Variants in PDE3B observed in about 807,000 individuals in gnomAD.
PDE3B encodes the protein phosphodiesterase 3B, also known as cGMP-inhibited 3',5'-cyclic phosphodiesterase 3B.
In PDE3B, 66 loss-of-function variants were observed where a neutral mutation model predicts 116.8. The ratio of observed to expected loss-of-function variants is 0.56; its 90% confidence interval spans 0.46 to 0.69. The LOEUF (loss-of-function observed/expected upper bound fraction) is 0.69, where lower values mean the gene tolerates loss of function less well. Ranked by LOEUF, PDE3B falls within the 30% of genes least tolerant of loss-of-function variation. The pLI is 0.00. For missense variants in PDE3B, 1,384 were observed against 1,368.1 expected (o/e 1.01, Z -0.18); for synonymous variants, 595 against 533.6 (o/e 1.12, Z -1.59).
At chr11:14,820,118 T>C (rs977116657) in intron 7 of PDE3B, among the ~76,000 whole-genome samples, 1 of 152,138 alleles carries the variant, frequency 6.6e-6, no homozygotes, top group African/African-American at 2.4e-5. Flanking sequence ...AATTTAATAG[T>C]TTTTTGTTTT....
At chr11:14,754,629 G>T (rs564392016) in intron 1 of PDE3B, among the ~76,000 whole-genome samples, 1 of 152,010 alleles carries the variant, frequency 6.6e-6, no homozygotes, top group Non-Finnish European at 1.5e-5. Context: ...TTCTAGCCAG[G>T]TGCAGTGGTG....
At chr11:14,878,011 T>C in the PDE3B span, 3 of 1,125,840 alleles carry the variant, frequency 2.7e-6, no homozygotes, top group Non-Finnish European at 3.9e-6. Context: ...TGTGTTCATT[T>C]GGCTTTTTGA....
intron 12 of PDE3B, among the ~76,000 whole-genome samples, chr11:14,857,039 G>T (rs932952751): frequency 1.2e-4 from 19 of 152,068 alleles, no homozygotes; most frequent in African/African-American, 4.6e-4. Context: ...TCTTATTTAA[G>T]TGTTACTATT....
chr11:14,831,904 G>T (rs1859896399), intron 9 of PDE3B, 127 bp downstream of exon 9: 1 of 560,154 alleles, frequency 1.8e-6, no homozygotes, highest in Admixed American at 3.6e-5. Context: ...ATTTTTTTCA[G>T]AAAAAAATAA....
intron 10 of PDE3B, 124 bp downstream of exon 10, chr11:14,832,957 T>C (rs1194832451): frequency 7.7e-6 from 4 of 522,836 alleles, no homozygotes; most frequent in South Asian, 7.6e-5. Flanking sequence ...TTTTCTTTTT[T>C]TTTTTTCTTG....
intron 2 of PDE3B, among the ~76,000 whole-genome samples, chr11:14,777,806 G>T (rs1214281389): frequency 6.6e-6 from 1 of 152,140 alleles, no homozygotes; most frequent in Non-Finnish European, 1.5e-5. Context: ...AGACATGGAT[G>T]CAGGACAGTA....
At chr11:14,793,075 CAT>C (rs1391649994) in intron 4 of PDE3B, among the ~76,000 whole-genome samples, 1 of 152,142 alleles carries the variant, frequency 6.6e-6, no homozygotes, top group African/African-American at 2.4e-5. Flanking sequence ...GTATGGTATC[CAT>C]ATGAGATTAT....
intron 5 of PDE3B, among the ~76,000 whole-genome samples, chr11:14,804,425 A>G (rs1025426627): frequency 1.3e-5 from 2 of 152,072 alleles, no homozygotes; most frequent in Non-Finnish European, 1.5e-5. Context: ...AGAAAAAACC[A>G]TGACTTCATC....
intron 5 of PDE3B, among the ~76,000 whole-genome samples, chr11:14,807,921 G>A (rs567741548): frequency 1.8e-4 from 27 of 152,116 alleles, no homozygotes; most frequent in African/African-American, 4.6e-4. Flanking sequence ...TTAACCAGAC[G>A]TGGTGGTGGG....
chr11:14,827,767 T>C (rs1176491390), intron 7 of PDE3B, among the ~76,000 whole-genome samples: 1 of 152,164 alleles, frequency 6.6e-6, no homozygotes, highest in East Asian at 1.9e-4. Context: ...TTCAGTGTTA[T>C]TCCTAACAAA....
downstream of PDE3B, among the ~76,000 whole-genome samples, chr11:14,872,749 A>T (rs1848156108): frequency 6.6e-6 from 1 of 152,186 alleles, no homozygotes; most frequent in East Asian, 1.9e-4. Context: ...AACCCTATGG[A>T]ACCTGCAGAT....
At chr11:14,785,855 A>G (rs899539068) in intron 2 of PDE3B, among the ~76,000 whole-genome samples, 1 of 151,980 alleles carries the variant, frequency 6.6e-6, no homozygotes, top group African/African-American at 2.4e-5. Flanking sequence ...ATTTTCCATA[A>G]TATTAATAGT....
chr11:14,695,786 C>A (rs372748547), intron 1 of PDE3B, among the ~76,000 whole-genome samples: 8 of 152,070 alleles, frequency 5.3e-5, no homozygotes, highest in East Asian at 1.9e-4. Flanking sequence ...TCTCTTCCTG[C>A]GTTAGTTTGC....
In PDE3B at chr11:14,786,505, T is replaced by G; in HGVS notation, c.1098T>G (p.Leu366=). The stretch of plus-strand genomic sequence containing the variant: ...AGGCTCGCAATATGGTGTCAGATCT[T>G]CTGACTGATCCAAGCCTTCCACCAC... ...LNEARNMVSD[L]LTDPSLPPQV... Residue 366 remains leucine (L), a synonymous_variant, in exon 3 of 16, where the codon CTT becomes CTG. Coordinates refer to ENST00000282096, the MANE Select transcript of PDE3B (RefSeq NM_000922.4). 1.2e-6 allele frequency: 2 copies of G among 1,612,764 alleles called. No individual in the cohort carries two copies. The highest frequency in any genetic ancestry group is 1.7e-6 in the Non-Finnish European group (2 of 1,178,916).
rs564691526 is a variant in PDE3B, at chr11:14,782,060, G to T, written c.1030-4377G>T. Among the ~76,000 whole-genome samples the T allele has an allele frequency of 4.5e-3, 682 of 152,180 alleles. 3 individuals are homozygous for T. Among genetic ancestry groups the T allele is most frequent in the African/African-American group, 0.015 (609 of 41,502 alleles). Reference sequence around the variant, plus strand: ...TCATGAGTGAACTCCCATTCATGATGGCTTCAAAGAGAATAAAATACCTAG... The same window carrying T: ...TCATGAGTGAACTCCCATTCATGATTGCTTCAAAGAGAATAAAATACCTAG... On this transcript the variant is annotated intron_variant, in intron 2 of 15. Coordinates refer to ENST00000282096, the MANE Select transcript of PDE3B (RefSeq NM_000922.4).
intron 1 of PDE3B, among the ~76,000 whole-genome samples, chr11:14,748,088 TTAATG>T (rs770688730): frequency 3.9e-5 from 6 of 152,362 alleles, no homozygotes; most frequent in South Asian, 4.1e-4. Flanking sequence ...CCTAAATTCT[TTAATG>T]TAACCTAGTT....
rs759780436 is a variant in PDE3B at position 14,782,146 on chromosome 11, A to G, written c.1030-4291A>G. 2.2e-4 allele frequency among the ~76,000 whole-genome samples: 33 copies of G among 151,798 alleles called. 1 individual carries two copies. Among genetic ancestry groups the G allele is most frequent in the East Asian group, 1.9e-4 (1 of 5,172 alleles). On this transcript the variant is annotated intron_variant, in intron 2 of 15. Coordinates refer to ENST00000282096, the MANE Select transcript of PDE3B (RefSeq NM_000922.4). ...AAGGAGAACTACAAACCACTGCTCA[A>G]CGAAGTAAAAGAGGACACAAACAAG...
intron 7 of PDE3B, among the ~76,000 whole-genome samples, chr11:14,819,614 T>C (rs752868017): frequency 6.6e-6 from 1 of 152,194 alleles, no homozygotes; most frequent in Non-Finnish European, 1.5e-5. Context: ...ACAAGACATA[T>C]TGTGTTGATG....
chr11:14,877,198 C>A, the PDE3B span, among the ~76,000 whole-genome samples: 1 of 152,036 alleles, frequency 6.6e-6, no homozygotes, highest in Non-Finnish European at 1.5e-5. Flanking sequence ...CCTTGTTGTC[C>A]TGACATAATT....
Sources: gnomAD v4.1 joint callset for allele counts (sites outside exome capture counted in the v4.1 genomes callset) on GRCh38, gnomAD v4.1.1 for gene constraint, MANE v1.5 for transcripts, NCBI Gene and HGNC (gene_info 2026-07-23, HGNC 2026-07-21) for gene names.